Variants in MAMDC2 observed in about 807,000 individuals in gnomAD.
MAMDC2 encodes MAM domain containing 2.
In MAMDC2, 57 loss-of-function variants were observed where a neutral mutation model predicts 89.8. The observed-to-expected ratio is 0.63, with a 90% CI of 0.51 to 0.79. The LOEUF (loss-of-function observed/expected upper bound fraction) is 0.79. MAMDC2 is among the 30% of genes least tolerant of loss of function. MAMDC2 has a pLI of 0.00. For missense variants in MAMDC2, 800 were observed against 820.6 expected (o/e 0.97, Z 0.31); for synonymous variants, 313 against 293.4 (o/e 1.07, Z -0.68).
intron 12 of MAMDC2, among the ~76,000 whole-genome samples, chr9:70,221,407 A>AGAGAGAGAGAGAGAGAGAGAGAGG (rs1491076799): frequency 5.0e-5 from 6 of 119,896 alleles, no homozygotes; most frequent in African/African-American, 1.9e-4. Context: ...AGAGAGAGAG[A>AGAGAGAGAGAGAGAGAGAGAGAGG]GTAACATCAG....
chr9:70,199,456 G>A (rs1305179421), intron 11 of MAMDC2, among the ~76,000 whole-genome samples: 1 of 149,716 alleles, frequency 6.7e-6, no homozygotes, highest in East Asian at 2.0e-4. Flanking sequence ...ATCATTGTTG[G>A]ACATTTGGGT....
intron 2 of MAMDC2, among the ~76,000 whole-genome samples, chr9:70,056,168 T>C (rs1488492609): frequency 6.6e-6 from 1 of 152,248 alleles, no homozygotes; most frequent in Non-Finnish European, 1.5e-5. Flanking sequence ...TTACCAATAT[T>C]TTATGACCAA....
intron 2 of MAMDC2, among the ~76,000 whole-genome samples, chr9:70,066,332 G>A (rs1161409146): frequency 6.6e-6 from 1 of 152,194 alleles, no homozygotes; most frequent in African/African-American, 2.4e-5. Flanking sequence ...AGAGTGAATA[G>A]GAGCAAGACA....
At chr9:70,209,532 A>T (rs1465457668) in intron 11 of MAMDC2, among the ~76,000 whole-genome samples, 2 of 90,464 alleles carry the variant, frequency 2.2e-5, no homozygotes, top group Non-Finnish European at 4.6e-5. Flanking sequence ...CTTTTTTATT[A>T]GTCTGAGCGG....
chr9:70,198,197 C>T (rs2309640), intron 11 of MAMDC2, among the ~76,000 whole-genome samples: 128,406 of 148,802 alleles, frequency 0.86, 55,608 homozygotes, highest in East Asian at 0.96. Flanking sequence ...CACACACACA[C>T]AATATATAAT....
At position 70,140,257 on chromosome 9, in the gene MAMDC2, G is replaced by A. The variant is rs766971462; in HGVS notation, c.1107G>A (p.Met369Ile). ...GWTRVKVKPNMYRAGDHTTGL... is the reference protein window; with the variant it reads ...GWTRVKVKPNIYRAGDHTTGL... ...CCCGAGTGAAAGTAAAACCAAACAT[G>A]TATCGGGCTGGAGACCACACTACAG... Residue 369 changes from methionine to isoleucine, a missense_variant, in exon 8 of 14, where the codon ATG (methionine) becomes ATA (isoleucine). Physicochemically the swap from Met to Ile is conservative, Grantham distance 10. Transcript: ENST00000377182. 11 of 1,601,914 alleles carry A rather than the reference G, an allele frequency of 6.9e-6. No individual in the cohort carries two copies. Among genetic ancestry groups the A allele is most frequent in the East Asian group, 2.3e-5 (1 of 44,034 alleles).
At chr9:70,106,665 T>C (rs1373475139) in intron 2 of MAMDC2, among the ~76,000 whole-genome samples, 5 of 152,178 alleles carry the variant, frequency 3.3e-5, no homozygotes, top group Non-Finnish European at 5.9e-5. Flanking sequence ...TATGATGGTG[T>C]CAGCAATTGC....
chr9:70,215,473 G>A (rs1379159951), intron 11 of MAMDC2, among the ~76,000 whole-genome samples: 3 of 152,212 alleles, frequency 2.0e-5, no homozygotes, highest in Non-Finnish European at 2.9e-5. Flanking sequence ...GATGTCAAAT[G>A]TAACATACCA....
chr9:70,226,083 C>A lies in MAMDC2; in HGVS notation c.*51C>A. On this transcript the variant is annotated 3_prime_UTR_variant, in exon 14 of 14. Coordinates refer to ENST00000377182, the MANE Select transcript of MAMDC2 (RefSeq NM_153267.5). ...GACGAAAACCATACCTCTCTTCAAT[C>A]AAAATGAAAACAAAGCAAATGAATA... 1 of 1,107,226 alleles carries A rather than the reference C, an allele frequency of 9.0e-7. No homozygotes were observed. The highest frequency in any genetic ancestry group is 1.3e-6 in the Non-Finnish European group (1 of 762,938). 68.6% of individuals were successfully genotyped at this position (1,107,226 alleles called of 1,614,324 possible).
At chr9:70,139,038 A>C (rs2118397673) in intron 7 of MAMDC2, among the ~76,000 whole-genome samples, 1 of 152,166 alleles carries the variant, frequency 6.6e-6, no homozygotes, top group African/African-American at 2.4e-5. Context: ...TTCTTTTAAA[A>C]TTTTTATGAA....
intron 13 of MAMDC2, 65 bp downstream of exon 13, chr9:70,225,899 A>C: frequency 6.8e-7 from 1 of 1,463,642 alleles, no homozygotes; most frequent in South Asian, 1.2e-5. Context: ...GTCTCAAACT[A>C]CAAGAATACA....
chr9:70,124,308 A>G (rs995809094), intron 5 of MAMDC2, among the ~76,000 whole-genome samples: 1 of 152,070 alleles, frequency 6.6e-6, no homozygotes, highest in Non-Finnish European at 1.5e-5. Context: ...ACCACTCTCT[A>G]TTTTCTCCCT....
At chr9:70,097,398 C>G (rs1828056760) in intron 2 of MAMDC2, among the ~76,000 whole-genome samples, 1 of 152,154 alleles carries the variant, frequency 6.6e-6, no homozygotes, top group Non-Finnish European at 1.5e-5. Context: ...ATGATATTGA[C>G]AAGGAATACT....
intron 9 of MAMDC2, chr9:70,153,611 G>C (rs1471426862): frequency 2.0e-5 from 3 of 152,058 alleles, no homozygotes; most frequent in Non-Finnish European, 4.4e-5. Context: ...GTCCATAAAT[G>C]AAAATGACTA....
chr9:70,100,520 T>C (rs190827886), intron 2 of MAMDC2, among the ~76,000 whole-genome samples: 15 of 152,334 alleles, frequency 9.8e-5, no homozygotes, highest in African/African-American at 3.4e-4. Flanking sequence ...TTGTCTTAGA[T>C]ATGCAAGGCA....
At chr9:70,049,134 T>G (rs748593449) in intron 2 of MAMDC2, among the ~76,000 whole-genome samples, 1 of 152,098 alleles carries the variant, frequency 6.6e-6, no homozygotes, top group African/African-American at 2.4e-5. Context: ...CAGAAAAAGG[T>G]TGGATGGCTT....
At chr9:70,047,365 C>G (rs543429450) in intron 2 of MAMDC2, among the ~76,000 whole-genome samples, 2 of 152,200 alleles carry the variant, frequency 1.3e-5, no homozygotes, top group East Asian at 3.9e-4. Flanking sequence ...CGCCCCACCC[C>G]CAACAGGCCC....
intron 7 of MAMDC2, among the ~76,000 whole-genome samples, chr9:70,136,179 T>C (rs188193666): frequency 5.3e-5 from 8 of 152,212 alleles, no homozygotes; most frequent in Admixed American, 3.3e-4. Flanking sequence ...AAAAACTCTC[T>C]ATGTTTTGCC....
intron 2 of MAMDC2, among the ~76,000 whole-genome samples, chr9:70,046,444 G>C (rs986700108): frequency 1.3e-5 from 2 of 152,340 alleles, no homozygotes; most frequent in Admixed American, 6.5e-5. Flanking sequence ...CTGGCCCTGA[G>C]AAAAGGAAAT....
Sources: allele counts gnomAD v4.1 joint callset (sites outside exome capture counted in the v4.1 genomes callset), GRCh38; gene constraint gnomAD v4.1.1; transcripts MANE v1.5; gene names NCBI Gene and HGNC (gene_info 2026-07-23, HGNC 2026-07-21).